The following PARD3 variants were observed in gnomAD, a reference collection of about 807,000 sequenced individuals.
PARD3 encodes the protein partitioning defective 3 homolog.
Under a neutral mutation model 155.4 loss-of-function variants are expected in PARD3, and 75 were observed. The observed-to-expected ratio is 0.48, with a 90% confidence interval of 0.40 to 0.58. The LOEUF is 0.58. Ranked by LOEUF, PARD3 falls within the 20% of genes least tolerant of loss-of-function variation. The probability of loss-of-function intolerance (pLI) is 0.00; values close to 1 mark genes in which losing one functional copy is unlikely to be tolerated. For synonymous variants in PARD3, 576 were observed against 610.5 expected, an observed-to-expected ratio of 0.94 and a Z score of 0.83; for missense variants, 1,642 against 1,721.7, an observed-to-expected ratio of 0.95 and a Z score of 0.82.
chr10:34,206,994 C>T (rs909487451), intron 22 of PARD3, among the ~76,000 whole-genome samples: 2 of 152,182 alleles, frequency 1.3e-5, no homozygotes, highest in African/African-American at 4.8e-5. Flanking sequence ...ACAGCTTCAT[C>T]AACTGACAAG....
At chr10:34,661,374 C>T (rs1418011477) in intron 2 of PARD3, among the ~76,000 whole-genome samples, 2 of 152,150 alleles carry the variant, frequency 1.3e-5, no homozygotes, top group East Asian at 1.9e-4. Flanking sequence ...TAAAGTACCT[C>T]GGGACATTTA....
intron 1 of PARD3, among the ~76,000 whole-genome samples, chr10:34,710,938 A>C (rs2094441162): frequency 6.6e-6 from 1 of 152,150 alleles, no homozygotes; most frequent in African/African-American, 2.4e-5. Flanking sequence ...CACTCCAGGA[A>C]GCCAGGGCAG....
intron 2 of PARD3, among the ~76,000 whole-genome samples, chr10:34,600,855 C>T (rs1220965144): frequency 6.6e-6 from 1 of 151,880 alleles, no homozygotes. Context: ...GGCACCATCA[C>T]GGCTTACTGC....
rs1279104673 is a variant in PARD3, at chr10:34,111,392, G to A, written c.3839C>T (p.Thr1280Ile). ...HGFNARVMLETQELLRQEQRR... is the reference protein window; with the variant it reads ...HGFNARVMLEIQELLRQEQRR... Reference sequence around the variant, plus strand: ...CTGTTCCTGGCGAAGGAGCTCCTGAGTTTCCAGCATGACCCTGGCGTTGAA... The same window carrying A: ...CTGTTCCTGGCGAAGGAGCTCCTGAATTTCCAGCATGACCCTGGCGTTGAA... The change falls in exon 25 of 25, where the codon ACT becomes ATT. Residue 1280 changes from threonine to isoleucine, a missense_variant. By Grantham distance (89) the Thr-to-Ile change is moderately conservative. Coordinates refer to ENST00000374788, the MANE Select transcript of PARD3 (RefSeq NM_001184785.2). The A allele has an allele frequency of 5.6e-6, 9 of 1,614,060 alleles. No individual in the cohort carries two copies. The highest frequency in any genetic ancestry group is 7.6e-6 in the Non-Finnish European group (9 of 1,180,036).
At chr10:34,116,609 C>T (rs905142237) in intron 24 of PARD3, among the ~76,000 whole-genome samples, 4 of 152,174 alleles carry the variant, frequency 2.6e-5, no homozygotes, top group African/African-American at 9.7e-5. Flanking sequence ...TTCCTAATCT[C>T]CCTCACAAAC....
chr10:34,588,608 G>A (rs1009158834), intron 2 of PARD3, among the ~76,000 whole-genome samples: 1 of 152,108 alleles, frequency 6.6e-6, no homozygotes, highest in African/African-American at 2.4e-5. Context: ...AAGCCATCAG[G>A]GAGTTGGGGT....
At chr10:34,506,971 CTCA>C (rs2081109050) in intron 3 of PARD3, among the ~76,000 whole-genome samples, 1 of 152,276 alleles carries the variant, frequency 6.6e-6, no homozygotes, top group Middle Eastern at 3.4e-3. Context: ...CGCCAAATTG[CTCA>C]TTAGGTTTGG....
At chr10:34,207,200 G>A (rs755640995) in intron 22 of PARD3, among the ~76,000 whole-genome samples, 5 of 152,112 alleles carry the variant, frequency 3.3e-5, no homozygotes, top group Admixed American at 2.6e-4. Context: ...TCTCACACAG[G>A]GGCTCATGAT....
chr10:34,261,781 A>AAAAGAAAGGAAGAAAGAAAGAAAAG (rs1955005566), intron 22 of PARD3, among the ~76,000 whole-genome samples: 1 of 131,966 alleles, frequency 7.6e-6, no homozygotes, highest in African/African-American at 3.2e-5. Context: ...AGAAAGAAAG[A>AAAAGAAAGGAAGAAAGAAAGAAAAG]AAAGAAAGAA....
At chr10:34,807,427 A>G (rs1843546456) in intron 1 of PARD3, among the ~76,000 whole-genome samples, 1 of 152,238 alleles carries the variant, frequency 6.6e-6, no homozygotes, top group South Asian at 2.1e-4. Flanking sequence ...TTGAAAGTAT[A>G]CACTTGAATA....
intron 5 of PARD3, among the ~76,000 whole-genome samples, chr10:34,439,066 T>C (rs201778227): frequency 4.6e-5 from 7 of 152,284 alleles, no homozygotes; most frequent in Admixed American, 1.3e-4. Context: ...CATGACTCCG[T>C]AGACAGGAGA....
At chr10:34,728,135 C>T (rs2094751881) in intron 1 of PARD3, among the ~76,000 whole-genome samples, 1 of 144,604 alleles carries the variant, frequency 6.9e-6, no homozygotes, top group African/African-American at 2.5e-5. Context: ...AAGAAAAACA[C>T]AGAGTAAAAG....
At chr10:34,523,769 T>C (rs549244769) in intron 2 of PARD3, among the ~76,000 whole-genome samples, 16 of 151,716 alleles carry the variant, frequency 1.1e-4, no homozygotes, top group South Asian at 6.3e-4. Context: ...ACTAAAGGAG[T>C]TGGAGATACA....
At chr10:34,643,638 G>C (rs563469578) in intron 2 of PARD3, among the ~76,000 whole-genome samples, 2 of 152,298 alleles carry the variant, frequency 1.3e-5, no homozygotes, top group African/African-American at 4.8e-5. Context: ...TAAAATTATA[G>C]GTCAGGTGTG....
intron 5 of PARD3, among the ~76,000 whole-genome samples, chr10:34,409,173 A>T (rs575465355): frequency 6.6e-6 from 1 of 152,204 alleles, no homozygotes; most frequent in East Asian, 1.9e-4. Context: ...GTCTTGATAC[A>T]TATACAACAT....
At chr10:34,380,419 T>A (rs2134723556) in intron 9 of PARD3, among the ~76,000 whole-genome samples, 1 of 152,260 alleles carries the variant, frequency 6.6e-6, no homozygotes, top group East Asian at 1.9e-4. Flanking sequence ...GTAAATGCAA[T>A]CATATTTTTC....
chr10:34,375,097 C>T, intron 10 of PARD3, 95 bp from the exon 11 acceptor site: 1 of 895,482 alleles, frequency 1.1e-6, no homozygotes, highest in Non-Finnish European at 1.7e-6. Context: ...CACACACACT[C>T]TAGGACTAGC....
At chr10:34,611,049 T>G (rs1057259384) in intron 2 of PARD3, among the ~76,000 whole-genome samples, 1 of 152,218 alleles carries the variant, frequency 6.6e-6, no homozygotes, top group South Asian at 2.1e-4. Flanking sequence ...TATTCTAGTC[T>G]TTGAACAGTT....
chr10:34,210,202 G>T (rs1024825977), intron 22 of PARD3, among the ~76,000 whole-genome samples: 16 of 151,894 alleles, frequency 1.1e-4, no homozygotes, highest in Non-Finnish European at 1.8e-4. Flanking sequence ...CAGGTCATGT[G>T]TGCACTCACA....
Sources: gnomAD v4.1 joint callset for allele counts (sites outside exome capture counted in the v4.1 genomes callset) on GRCh38, gnomAD v4.1.1 for gene constraint, MANE v1.5 for transcripts, NCBI Gene and HGNC (gene_info 2026-07-23, HGNC 2026-07-21) for gene names.